PHF5A: variants seen among roughly 807,000 people sequenced by gnomAD.
PHF5A encodes PHD finger protein 5A, also known as PHD finger-like domain-containing protein 5A.
For synonymous variants in PHF5A, 52 were observed against 46.0 expected, an observed-to-expected ratio of 1.13 and a Z score of -0.52; for missense variants, 24 against 140.6, an observed-to-expected ratio of 0.17 and a Z score of 4.19.
In PHF5A at chr22:41,459,759, GAA is replaced by G. The variant is rs1467325038; in HGVS notation, c.*637_*638del. 1 of 151,944 alleles carries G rather than the reference GAA, an allele frequency of 6.6e-6. No individual in the cohort carries two copies. Among genetic ancestry groups the G allele is most frequent in the Non-Finnish European group, 1.5e-5 (1 of 67,994 alleles). 9.4% of individuals were successfully genotyped at this position (151,944 alleles called of 1,614,324 possible). A position where few individuals can be genotyped will look rare whatever the true frequency, so the allele number is the denominator to read the frequency against. On this transcript the variant is annotated 3_prime_UTR_variant, in exon 4 of 4. Coordinates refer to ENST00000216252, the MANE Select transcript of PHF5A (RefSeq NM_032758.4). ...CAACTTTATTAATATAATAGCAACA[GAA>G]AGAGTTTCCAATTTCTCAAAAGGAA...
rs1347922908 is a variant in PHF5A at position 41,459,921 on chromosome 22, A to C, written c.*477T>G. ...CCCTGCCCCCCCACCCCCCCCCCAAAAAAAACGGGAAATGCCTACATTTCT... is the reference window on the plus strand; with the variant it reads ...CCCTGCCCCCCCACCCCCCCCCCAACAAAAACGGGAAATGCCTACATTTCT... On this transcript the variant is annotated 3_prime_UTR_variant, in exon 4 of 4. Transcript: ENST00000216252. 1 of 41,904 alleles carries C rather than the reference A, an allele frequency of 2.4e-5. No individual in the cohort carries two copies. The allele number at this position is 41,904 out of a possible 1,614,324, so 2.6% of individuals were successfully genotyped here. A position where few individuals can be genotyped will look rare whatever the true frequency, so the allele number is the denominator to read the frequency against.
chr22:41,461,393 CTT>C (rs11445364), intron 3 of PHF5A, among the ~76,000 whole-genome samples: 2 of 145,724 alleles, frequency 1.4e-5, no homozygotes, highest in African/African-American at 5.0e-5. Flanking sequence ...CTATGAAACT[CTT>C]TTTTTTTTTT....
intron 3 of PHF5A, among the ~76,000 whole-genome samples, chr22:41,463,536 G>A (rs749689360): frequency 1.3e-5 from 2 of 151,648 alleles, no homozygotes; most frequent in Admixed American, 6.6e-5. Flanking sequence ...GATCAGCCTA[G>A]CCAACATGGT....
chr22:41,461,133 A>G (rs545727307), intron 3 of PHF5A, among the ~76,000 whole-genome samples: 3 of 152,270 alleles, frequency 2.0e-5, no homozygotes, highest in African/African-American at 7.2e-5. Context: ...AGATCACGCC[A>G]CAGCACTCCA....
At chr22:41,461,097 C>A (rs1244415813) in intron 3 of PHF5A, among the ~76,000 whole-genome samples, 2 of 152,040 alleles carry the variant, frequency 1.3e-5, no homozygotes, top group Non-Finnish European at 2.9e-5. Context: ...CGTTTGAACC[C>A]AGGAGGCGGA....
At chr22:41,460,895 G>A (rs570988753) in intron 3 of PHF5A, among the ~76,000 whole-genome samples, 6 of 152,158 alleles carry the variant, frequency 3.9e-5, no homozygotes, top group African/African-American at 1.4e-4. Context: ...TTTATAGGCC[G>A]GGCACGGTGG....
At chr22:41,467,678 G>A in intron 2 of PHF5A, 64 bp from the exon 3 acceptor site, 1 of 844,056 alleles carries the variant, frequency 1.2e-6, no homozygotes, top group Non-Finnish European at 1.7e-6. Context: ...TCCTGCCATG[G>A]GGAAATATAC....
Position 41,468,114 on chromosome 22 carries a change from T to C in PHF5A, c.76+10A>G. 1 of 1,613,910 alleles carries C rather than the reference T, an allele frequency of 6.2e-7. No homozygotes were observed. The highest frequency in any genetic ancestry group is 1.3e-5 in the African/African-American group (1 of 75,004). On this transcript the variant is annotated intron_variant, in intron 2 of 3. Transcript: ENST00000216252. ...AAGGGTGGGTTGTTGGGACGGTGTG[T>C]TCCACTCACATTTTTCACACAGTCT...
At chr22:41,461,654 G>A (rs963084701) in intron 3 of PHF5A, among the ~76,000 whole-genome samples, 5 of 151,388 alleles carry the variant, frequency 3.3e-5, no homozygotes, top group Admixed American at 6.6e-5. Flanking sequence ...CACAGTGCTC[G>A]GCCATACCTT....
chr22:41,463,027 C>T (rs912108580), intron 3 of PHF5A, among the ~76,000 whole-genome samples: 1 of 151,972 alleles, frequency 6.6e-6, no homozygotes, highest in African/African-American at 2.4e-5. Flanking sequence ...GCACCCACCA[C>T]CGCACCCAGC....
At chr22:41,464,680 T>C (rs143662403) in intron 3 of PHF5A, among the ~76,000 whole-genome samples, 1 of 152,362 alleles carries the variant, frequency 6.6e-6, no homozygotes, top group East Asian at 1.9e-4. Flanking sequence ...TTACGCTACA[T>C]AAGAACTCTA....
chr22:41,461,701 T>C (rs2037829069), intron 3 of PHF5A, among the ~76,000 whole-genome samples: 1 of 151,926 alleles, frequency 6.6e-6, no homozygotes, highest in African/African-American at 2.4e-5. Context: ...TCTTGCTCTG[T>C]TGCCAAGCTG....
intron 3 of PHF5A, among the ~76,000 whole-genome samples, chr22:41,461,117 GA>G (rs1333355563): frequency 2.0e-5 from 3 of 152,016 alleles, no homozygotes; most frequent in Non-Finnish European, 4.4e-5. Context: ...AGGTAGCAGT[GA>G]GCTGAGATCA....
At chr22:41,467,657 C>G in intron 2 of PHF5A, 43 bp from the exon 3 acceptor site, 6 of 1,599,602 alleles carry the variant, frequency 3.8e-6, no homozygotes, top group Non-Finnish European at 5.1e-6. Context: ...GTTCTTCAGT[C>G]CTCTGCTATC....
chr22:41,467,738 C>G (rs1021288224), intron 2 of PHF5A, 124 bp from the exon 3 acceptor site: 5 of 1,168,038 alleles, frequency 4.3e-6, no homozygotes, highest in East Asian at 4.9e-5. Context: ...ACTTTAGGGC[C>G]CTCCTCTTGG....
At chr22:41,466,328 AG>A (rs758155744) in intron 3 of PHF5A, among the ~76,000 whole-genome samples, 13 of 152,348 alleles carry the variant, frequency 8.5e-5, no homozygotes, top group Admixed American at 3.3e-4. Flanking sequence ...AATAGAAAGT[AG>A]CCACTGCCAC....
chr22:41,468,412 C>T lies in PHF5A; in HGVS notation c.52+190G>A, dbSNP rs938939427. 8 of 680,012 alleles carry T rather than the reference C, an allele frequency of 1.2e-5. No individual in the cohort carries two copies. In the Admixed American group the frequency reaches 2.3e-4, roughly 20 times the overall value. The allele number at this position is 680,012 out of a possible 1,614,324, so 42.1% of individuals were successfully genotyped here. On this transcript the variant is annotated intron_variant, in intron 1 of 3. Coordinates refer to ENST00000216252, the MANE Select transcript of PHF5A (RefSeq NM_032758.4). ...CCCCCCGATACCTGCCTGGGGCTCC[C>T]AGCACGCGCACCCCCGCCCTCTTCT... is the stretch of plus-strand genomic sequence containing the variant.
intron 1 of PHF5A, 59 bp from the exon 2 acceptor site, chr22:41,468,206 A>G: frequency 6.3e-7 from 1 of 1,577,604 alleles, no homozygotes; most frequent in Non-Finnish European, 8.7e-7. Flanking sequence ...GAAAGAGGAG[A>G]AGTACATCCT....
rs2037811467 is a variant in PHF5A at position 41,459,761 on chromosome 22, AAG to A, written c.*635_*636del. 1 of 152,012 alleles carries A rather than the reference AAG, an allele frequency of 6.6e-6. No homozygotes were observed. Among genetic ancestry groups the A allele is most frequent in the Admixed American group, 6.6e-5 (1 of 15,240 alleles). The allele number at this position is 152,012 out of a possible 1,614,324, so 9.4% of individuals were successfully genotyped here. Reference sequence around the variant, plus strand: ...ACTTTATTAATATAATAGCAACAGAAAGAGTTTCCAATTTCTCAAAAGGAAAA... The same window carrying A: ...ACTTTATTAATATAATAGCAACAGAAAGTTTCCAATTTCTCAAAAGGAAAA... On this transcript the variant is annotated 3_prime_UTR_variant, in exon 4 of 4. Coordinates refer to ENST00000216252, the MANE Select transcript of PHF5A (RefSeq NM_032758.4).
Sources: gnomAD v4.1 joint callset for allele counts (sites outside exome capture counted in the v4.1 genomes callset) on GRCh38, gnomAD v4.1.1 for gene constraint, MANE v1.5 for transcripts, NCBI Gene and HGNC (gene_info 2026-07-23, HGNC 2026-07-21) for gene names.